EAF2: variants seen among roughly 807,000 people sequenced by gnomAD.
EAF2 encodes ELL associated factor 2.
Under a neutral mutation model 29.4 loss-of-function variants are expected in EAF2, and 29 were observed. The ratio of observed to expected loss-of-function variants is 0.99; its 90% CI spans 0.73 to 1.35. The LOEUF is 1.35. Ranked by LOEUF, EAF2 falls within the 40% of genes most tolerant of loss-of-function variation. EAF2 has a pLI of 0.00. For missense variants in EAF2, 292 were observed against 312.0 expected, an observed-to-expected ratio of 0.94 and a Z score of 0.48; for synonymous variants, 103 against 102.5, an observed-to-expected ratio of 1.00 and a Z score of -0.03.
At chr3:121,867,345 A>C (rs999029125) in intron 4 of EAF2, among the ~76,000 whole-genome samples, 1 of 152,214 alleles carries the variant, frequency 6.6e-6, no homozygotes, top group Non-Finnish European at 1.5e-5. Flanking sequence ...GCCAAGGTAC[A>C]TCATAATGAA....
At chr3:121,882,730 C>A (rs9878616) in intron 5 of EAF2, among the ~76,000 whole-genome samples, 2 of 149,888 alleles carry the variant, frequency 1.3e-5, no homozygotes, top group Non-Finnish European at 1.5e-5. Context: ...AAGATATATG[C>A]GAAAGTAAAG....
At chr3:121,840,517 A>AAAAAAAAAAAAAAAC (rs1194171781) in intron 1 of EAF2, among the ~76,000 whole-genome samples, 3 of 126,274 alleles carry the variant, frequency 2.4e-5, no homozygotes, top group African/African-American at 6.1e-5. Flanking sequence ...AAGAAAAAAA[A>AAAAAAAAAAAAAAAC]AAAACGGGCC....
intron 4 of EAF2, among the ~76,000 whole-genome samples, chr3:121,862,659 G>C (rs531633303): frequency 1.6e-4 from 25 of 152,290 alleles, no homozygotes; most frequent in African/African-American, 5.8e-4. Flanking sequence ...CCAATTGTCT[G>C]AAGCCTTCTT....
intron 4 of EAF2, among the ~76,000 whole-genome samples, chr3:121,858,687 G>C (rs1473221154): frequency 6.6e-6 from 1 of 152,138 alleles, no homozygotes; most frequent in African/African-American, 2.4e-5. Context: ...TATCCCATTT[G>C]TCTATTTTGG....
intron 5 of EAF2, among the ~76,000 whole-genome samples, chr3:121,882,783 G>T (rs893289330): frequency 7.9e-5 from 8 of 101,762 alleles, no homozygotes; most frequent in Admixed American, 7.7e-4. Context: ...CTTGGGAGGT[G>T]GTGGTTTTTT....
chr3:121,859,379 C>T (rs532917941), intron 4 of EAF2, among the ~76,000 whole-genome samples: 3 of 152,100 alleles, frequency 2.0e-5, no homozygotes, highest in East Asian at 1.9e-4. Flanking sequence ...TTGAAGAGGT[C>T]CTTCACATCC....
chr3:121,840,541 C>T (rs1442595047), intron 1 of EAF2, among the ~76,000 whole-genome samples: 2 of 138,058 alleles, frequency 1.4e-5, no homozygotes, highest in Admixed American at 8.0e-5. Context: ...TGCGGTGGCT[C>T]ACGCCTGTAA....
At chr3:121,866,844 G>A (rs1484970026) in intron 4 of EAF2, among the ~76,000 whole-genome samples, 4 of 152,252 alleles carry the variant, frequency 2.6e-5, no homozygotes, top group African/African-American at 7.2e-5. Context: ...ACACCAACAC[G>A]AGGATGAATC....
rs368353923 is a variant in EAF2, at chr3:121,835,244, G to A, written c.-42G>A. On this transcript the variant is annotated 5_prime_UTR_variant, in exon 1 of 6. Coordinates refer to ENST00000273668, the MANE Select transcript of EAF2 (RefSeq NM_018456.6). ...GCTTCAGGCTGAGGTGGCAGATAGTGAGCGCTGGTGGCGGAGTTAAAGTCA... is the reference window on the plus strand; with the variant it reads ...GCTTCAGGCTGAGGTGGCAGATAGTAAGCGCTGGTGGCGGAGTTAAAGTCA... The A allele has an allele frequency of 2.3e-5, 37 of 1,591,060 alleles. No homozygotes were observed. The African/African-American group carries it at 2.8e-4, about 12-fold the overall frequency.
chr3:121,868,470 G>T (rs1360003478), intron 4 of EAF2, among the ~76,000 whole-genome samples: 1 of 152,052 alleles, frequency 6.6e-6, no homozygotes, highest in Non-Finnish European at 1.5e-5. Context: ...ACGGTGGCAC[G>T]CACCTTAATC....
At chr3:121,872,511 T>C (rs1709030976) in intron 4 of EAF2, 26 bp from the exon 5 acceptor site, 2 of 1,506,606 alleles carry the variant, frequency 1.3e-6, no homozygotes, top group South Asian at 2.6e-5. Context: ...ATTTAACCTA[T>C]CTATTCATTT....
Position 121,857,320 on chromosome 3 carries a change from C to A in EAF2, c.484+164C>A, listed in dbSNP as rs1437708267. Among the ~76,000 whole-genome samples the A allele has an allele frequency of 2.0e-5, 3 of 152,002 alleles. No homozygotes were observed. In the East Asian group the frequency reaches 5.8e-4, roughly 29 times the overall value. ...CAGCCTGGCCAACATGGTGAAACCGCATCTCTGCTAAAAATACAAAAATTA... is the reference window on the plus strand; with the variant it reads ...CAGCCTGGCCAACATGGTGAAACCGAATCTCTGCTAAAAATACAAAAATTA... On this transcript the variant is annotated intron_variant, in intron 4 of 5. Coordinates refer to ENST00000273668, the MANE Select transcript of EAF2 (RefSeq NM_018456.6).
At chr3:121,846,551 G>A (rs1708532629) in intron 2 of EAF2, among the ~76,000 whole-genome samples, 1 of 152,088 alleles carries the variant, frequency 6.6e-6, no homozygotes, top group African/African-American at 2.4e-5. Flanking sequence ...CACATTAACA[G>A]CAGGAACCAT....
chr3:121,837,160 C>T (rs2107487885), intron 1 of EAF2, among the ~76,000 whole-genome samples: 1 of 152,218 alleles, frequency 6.6e-6, no homozygotes, highest in East Asian at 1.9e-4. Flanking sequence ...AGTTTTCAGT[C>T]CTTATTTTCT....
intron 2 of EAF2, among the ~76,000 whole-genome samples, chr3:121,845,201 A>T (rs1023255817): frequency 9.9e-5 from 15 of 152,132 alleles, no homozygotes. Context: ...GCGCTTTGGG[A>T]GGCCGAAGCA....
intron 4 of EAF2, among the ~76,000 whole-genome samples, chr3:121,861,442 T>C (rs1390961222): frequency 6.6e-6 from 1 of 152,242 alleles, no homozygotes; most frequent in Non-Finnish European, 1.5e-5. Flanking sequence ...CTTGTCTCTT[T>C]TGATCTTTGT....
intron 1 of EAF2, among the ~76,000 whole-genome samples, chr3:121,842,798 A>T (rs12486499): frequency 1.3e-5 from 2 of 151,872 alleles, no homozygotes; most frequent in Admixed American, 1.3e-4. Flanking sequence ...TATTTCCCTC[A>T]GTCCAAACCC....
chr3:121,871,974 A>C (rs1709022818), intron 4 of EAF2, among the ~76,000 whole-genome samples: 1 of 151,910 alleles, frequency 6.6e-6, no homozygotes, highest in East Asian at 1.9e-4. Flanking sequence ...ACAAAAGAAG[A>C]CATCATTATT....
At chr3:121,869,838 A>T (rs1376983844) in intron 4 of EAF2, among the ~76,000 whole-genome samples, 1 of 152,166 alleles carries the variant, frequency 6.6e-6, no homozygotes, top group Non-Finnish European at 1.5e-5. Context: ...GCAGTGAGCC[A>T]TAATTGTGCC....
Sources: gnomAD v4.1 joint callset for allele counts (sites outside exome capture counted in the v4.1 genomes callset) on GRCh38, gnomAD v4.1.1 for gene constraint, MANE v1.5 for transcripts, NCBI Gene and HGNC (gene_info 2026-07-23, HGNC 2026-07-21) for gene names.